MSH4: variants seen among roughly 807,000 people sequenced by gnomAD.
The protein encoded by MSH4 is mutS homolog 4.
Under a neutral mutation model 113.7 loss-of-function variants are expected in MSH4, and 106 were observed. The ratio of observed to expected loss-of-function variants is 0.93; its 90% CI spans 0.80 to 1.10. The LOEUF is 1.10. Ranked by LOEUF, MSH4 falls within the 50% of genes least tolerant of loss-of-function variation. The pLI is 0.00. For synonymous variants in MSH4, 368 were observed against 380.2 expected, an observed-to-expected ratio of 0.97 and a Z score of 0.37; for missense variants, 1,061 against 1,093.7, an observed-to-expected ratio of 0.97 and a Z score of 0.42.
At chr1:75,836,752 C>A (rs10873739) in intron 7 of MSH4, among the ~76,000 whole-genome samples, 31,504 of 152,104 alleles carry the variant, frequency 0.21, 3,822 homozygotes, top group African/African-American at 0.3. Context: ...TCTTCTTCCT[C>A]TGTCTTTGTG....
Position 75,890,818 on chromosome 1 carries a change from C to T in MSH4, c.2349C>T (p.Ser783=). 1 of 1,558,590 alleles carries T rather than the reference C, an allele frequency of 6.4e-7. No individual in the cohort carries two copies. Among genetic ancestry groups the T allele is most frequent in the South Asian group, 1.2e-5 (1 of 86,794 alleles). ...ICYAVCEYLL[S]LKAFTLFATH... ...ATGCTGTTTGTGAATATCTACTGAG[C>T]TTAAAGGTATTCTTTTATTTTAAGT... is the stretch of plus-strand genomic sequence containing the variant. The change falls in exon 17 of 20, where the codon AGC becomes AGT. Residue 783 remains serine (S), a synonymous_variant. Coordinates refer to ENST00000263187, the MANE Select transcript of MSH4 (RefSeq NM_002440.4).
intron 3 of MSH4, 70 bp downstream of exon 3, chr1:75,807,211 C>T: frequency 2.4e-6 from 3 of 1,256,312 alleles, no homozygotes; most frequent in Non-Finnish European, 3.2e-6. Flanking sequence ...TCAGTGCCTT[C>T]CCAATTTGTT....
Position 75,889,318 on chromosome 1 carries a change from T to G in MSH4, c.2175T>G (p.Thr725=). The change falls in exon 16 of 20, where the codon ACT becomes ACG. Residue 725 remains threonine, a synonymous_variant. Transcript: ENST00000263187. ...AACAGATTTTTACAAGAATTAGTACTGATGATGATATCGAAACAAATTCAT... is the reference window on the plus strand; with the variant it reads ...AACAGATTTTTACAAGAATTAGTACGGATGATGATATCGAAACAAATTCAT... The part of the protein sequence containing the change: ...IAKQIFTRIS[T]DDDIETNSST... 1 of 1,538,674 alleles carries G rather than the reference T, an allele frequency of 6.5e-7. No individual in the cohort carries two copies. Among genetic ancestry groups the G allele is most frequent in the South Asian group, 1.2e-5 (1 of 83,116 alleles).
At chr1:75,852,044 C>T (rs968671844) in intron 8 of MSH4, among the ~76,000 whole-genome samples, 1 of 152,134 alleles carries the variant, frequency 6.6e-6, no homozygotes, top group Non-Finnish European at 1.5e-5. Context: ...TTCTAACCCC[C>T]GTTTCCCCAG....
intron 8 of MSH4, among the ~76,000 whole-genome samples, chr1:75,858,934 A>G (rs1570971642): frequency 6.6e-6 from 1 of 152,270 alleles, no homozygotes; most frequent in East Asian, 1.9e-4. Context: ...TATTGCCTCA[A>G]TTTCAGAACC....
chr1:75,801,818 T>C (rs989131687), intron 1 of MSH4, among the ~76,000 whole-genome samples: 2 of 152,016 alleles, frequency 1.3e-5, no homozygotes, highest in Non-Finnish European at 2.9e-5. Context: ...TGCAGTGAGC[T>C]GTGATCACAC....
chr1:75,881,791 T>A (rs1651939615), intron 14 of MSH4, among the ~76,000 whole-genome samples: 1 of 152,002 alleles, frequency 6.6e-6, no homozygotes, highest in Non-Finnish European at 1.5e-5. Flanking sequence ...CATACCAAAA[T>A]TAGGAATTAT....
intron 7 of MSH4, among the ~76,000 whole-genome samples, chr1:75,831,698 T>C (rs113102136): frequency 0.21 from 31,510 of 152,022 alleles, 3,816 homozygotes; most frequent in African/African-American, 0.3. Flanking sequence ...GGGTACATAA[T>C]GAAATGAAGG....
In MSH4 at chr1:75,822,564, T is replaced by G. The variant is rs757796563; in HGVS notation, c.1145T>G (p.Phe382Cys). The change falls in exon 7 of 20, where the codon TTT (phenylalanine) becomes TGT (cysteine). Residue 382 changes from phenylalanine (F) to cysteine (C), a missense_variant. Phe to Cys is a radical substitution (Grantham distance 205). Coordinates refer to ENST00000263187, the MANE Select transcript of MSH4 (RefSeq NM_002440.4). ...VQELLQDEELFFGLQSVISRF... is the reference protein window; with the variant it reads ...VQELLQDEELCFGLQSVISRF... Reference sequence around the variant, plus strand: ...GAACTACTTCAAGATGAGGAACTATTTTTTGGACTTCAATCAGGTAAATCA... The same window carrying G: ...GAACTACTTCAAGATGAGGAACTATGTTTTGGACTTCAATCAGGTAAATCA... 1.8e-5 allele frequency: 27 copies of G among 1,518,154 alleles called. 1 individual carries two copies. The highest frequency in any genetic ancestry group is 4.8e-5 in the Admixed American group (2 of 41,624). 94.0% of individuals were successfully genotyped at this position (1,518,154 alleles called of 1,614,324 possible).
intron 15 of MSH4, among the ~76,000 whole-genome samples, chr1:75,886,941 C>T (rs1456039257): frequency 2.0e-5 from 3 of 150,642 alleles, no homozygotes; most frequent in African/African-American, 7.3e-5. Context: ...TCTCTGAGGG[C>T]AGGACCCATG....
chr1:75,897,938 A>G lies in MSH4; in HGVS notation c.2387A>G (p.Glu796Gly). 3 of 1,580,004 alleles carry G rather than the reference A, an allele frequency of 1.9e-6. No homozygotes were observed. In the East Asian group the frequency reaches 6.9e-5, roughly 36 times the overall value. Residue 796 changes from glutamate to glycine, a missense_variant, in exon 18 of 20, where the codon GAA (glutamate) becomes GGA (glycine). Physicochemically the swap from Glu to Gly is moderately conservative, Grantham distance 98. Transcript: ENST00000263187. Reference sequence around the variant, plus strand: ...ACACTGTTTGCTACACATTTCCTGGAACTATGCCATATTGATGCCCTGTAT... The same window carrying G: ...ACACTGTTTGCTACACATTTCCTGGGACTATGCCATATTGATGCCCTGTAT... The part of the protein sequence containing the change: ...AFTLFATHFL[E>G]LCHIDALYPN...
chr1:75,909,699 T>A (rs1226231228), intron 19 of MSH4, among the ~76,000 whole-genome samples: 1 of 151,774 alleles, frequency 6.6e-6, no homozygotes, highest in Non-Finnish European at 1.5e-5. Context: ...TTGTATTTTT[T>A]TCTTTTTATT....
intron 6 of MSH4, among the ~76,000 whole-genome samples, chr1:75,817,326 G>A (rs12065066): frequency 0.011 from 1,696 of 151,868 alleles, 33 homozygotes; most frequent in African/African-American, 0.038. Flanking sequence ...AATCAAAACC[G>A]CAGTTAGATA....
chr1:75,814,477 A>C (rs976607671), intron 4 of MSH4, among the ~76,000 whole-genome samples: 4 of 151,892 alleles, frequency 2.6e-5, no homozygotes, highest in African/African-American at 4.8e-5. Context: ...AAAGATTATA[A>C]TTTTCTCTTT....
At chr1:75,855,408 G>A (rs1248042846) in intron 8 of MSH4, among the ~76,000 whole-genome samples, 3 of 152,126 alleles carry the variant, frequency 2.0e-5, no homozygotes, top group Non-Finnish European at 2.9e-5. Flanking sequence ...GAAATTTATT[G>A]TCTTACAGAT....
At chr1:75,892,726 C>T (rs545317417) in intron 17 of MSH4, among the ~76,000 whole-genome samples, 1 of 152,108 alleles carries the variant, frequency 6.6e-6, no homozygotes, top group South Asian at 2.1e-4. Context: ...CCAGTCACTG[C>T]CCATCACATA....
At chr1:75,827,515 A>T (rs1650581117) in intron 7 of MSH4, among the ~76,000 whole-genome samples, 1 of 152,190 alleles carries the variant, frequency 6.6e-6, no homozygotes, top group African/African-American at 2.4e-5. Flanking sequence ...AATGGGCTAA[A>T]TGCCCCAATT....
chr1:75,814,200 T>A, intron 4 of MSH4, among the ~76,000 whole-genome samples: 1 of 148,958 alleles, frequency 6.7e-6, no homozygotes, highest in East Asian at 2.0e-4. Flanking sequence ...CACTGGTAAT[T>A]CCAGCACTTT....
chr1:75,906,139 C>T (rs534914071), intron 19 of MSH4, among the ~76,000 whole-genome samples: 4 of 151,780 alleles, frequency 2.6e-5, no homozygotes, highest in Admixed American at 6.6e-5. Flanking sequence ...TACAGGCACC[C>T]GCCTGTACAC....
Sources: allele counts gnomAD v4.1 joint callset (sites outside exome capture counted in the v4.1 genomes callset), GRCh38; gene constraint gnomAD v4.1.1; transcripts MANE v1.5; gene names NCBI Gene and HGNC (gene_info 2026-07-23, HGNC 2026-07-21).